Variants in AKR1B10 observed in about 807,000 individuals in gnomAD.
The protein encoded by AKR1B10 is ARP.
A neutral mutation model predicts 38.9 loss-of-function variants in AKR1B10; 39 were observed. The ratio of observed to expected loss-of-function variants is 1.00; its 90% CI spans 0.78 to 1.31. The LOEUF (loss-of-function observed/expected upper bound fraction) is 1.31. Among genes scored for constraint, AKR1B10 ranks in the 50% most tolerant of loss-of-function variants. The probability of loss-of-function intolerance (pLI) is 0.00; values close to 1 mark genes in which losing one functional copy is unlikely to be tolerated. For synonymous variants in AKR1B10, 148 were observed against 141.2 expected, an observed-to-expected ratio of 1.05 and a Z score of -0.34; for missense variants, 361 against 382.6, an observed-to-expected ratio of 0.94 and a Z score of 0.47.
rs530880920 is a variant in AKR1B10, at chr7:134,532,060, G to A, written c.351+36G>A. 6 of 1,612,386 alleles carry A rather than the reference G, an allele frequency of 3.7e-6. No homozygotes were observed. The Admixed American group carries it at 5.0e-5, about 13-fold the overall frequency. The stretch of plus-strand genomic sequence containing the variant: ...CTCTCTTTCTCAGCCTCTAGTTTCT[G>A]AGCAGGTGCCAGAAAATAGTAGCTG... On this transcript the variant is annotated intron_variant, in intron 3 of 9. Coordinates refer to ENST00000359579, the MANE Select transcript of AKR1B10 (RefSeq NM_020299.5).
At chr7:134,531,413 T>C (rs779302751) in intron 2 of AKR1B10, among the ~76,000 whole-genome samples, 1 of 152,142 alleles carries the variant, frequency 6.6e-6, no homozygotes, top group Non-Finnish European at 1.5e-5. Context: ...ATACATCTGG[T>C]AGGACAAATA....
In AKR1B10 at chr7:134,527,885, T is replaced by G; in HGVS notation, c.-27T>G. The G allele has an allele frequency of 6.2e-7, 1 of 1,612,442 alleles. No homozygotes were observed. The highest frequency in any genetic ancestry group is 8.5e-7 in the Non-Finnish European group (1 of 1,179,878). On this transcript the variant is annotated 5_prime_UTR_variant, in exon 1 of 10. Coordinates refer to ENST00000359579, the MANE Select transcript of AKR1B10 (RefSeq NM_020299.5). ...AGCAGGACGTGAGACTTCTACCTGC[T>G]CACTCAGAATCATTTCTGCACCAAC...
chr7:134,529,837 C>T (rs1562929274), intron 1 of AKR1B10, among the ~76,000 whole-genome samples: 2 of 151,524 alleles, frequency 1.3e-5, no homozygotes, highest in African/African-American at 4.9e-5. Flanking sequence ...TGTCATTCCC[C>T]TCCCTCTCTC....
intron 4 of AKR1B10, among the ~76,000 whole-genome samples, chr7:134,536,248 C>T (rs1183269161): frequency 9.2e-5 from 14 of 152,200 alleles, no homozygotes; most frequent in Non-Finnish European, 1.8e-4. Flanking sequence ...AACAGCAGCT[C>T]CCTGCTATCA....
At position 134,536,703 on chromosome 7, in the gene AKR1B10, T is replaced by C. The variant is rs766628663; in HGVS notation, c.483T>C (p.Asn161=). The C allele has an allele frequency of 1.2e-6, 2 of 1,613,914 alleles. No individual in the cohort carries two copies. The highest frequency in any genetic ancestry group is 2.2e-5 in the South Asian group (2 of 91,076). Residue 161 remains asparagine, a synonymous_variant, in exon 5 of 10, where the codon AAT becomes AAC. Coordinates refer to ENST00000359579, the MANE Select transcript of AKR1B10 (RefSeq NM_020299.5). ...EGLVKALGVS[N]FSHFQIEKLL... is the part of the protein sequence containing the mutation. Reference sequence around the variant, plus strand: ...TGGTGAAAGCCCTTGGGGTCTCCAATTTCAGCCACTTCCAGATCGAGAAGC... The same window carrying C: ...TGGTGAAAGCCCTTGGGGTCTCCAACTTCAGCCACTTCCAGATCGAGAAGC...
chr7:134,536,724 G>C lies in AKR1B10; in HGVS notation c.504G>C (p.Glu168Asp), dbSNP rs1280079840. The change falls in exon 5 of 10, where the codon GAG (glutamate) becomes GAC (aspartate). Residue 168 changes from glutamate (E) to aspartate (D), a missense_variant. Coordinates refer to ENST00000359579, the MANE Select transcript of AKR1B10 (RefSeq NM_020299.5). Reference sequence around the variant, plus strand: ...CCAATTTCAGCCACTTCCAGATCGAGAAGCTCTTGAACAAACCTGGACTGA... The same window carrying C: ...CCAATTTCAGCCACTTCCAGATCGACAAGCTCTTGAACAAACCTGGACTGA... ...GVSNFSHFQIEKLLNKPGLKY... is the reference protein window; with the variant it reads ...GVSNFSHFQIDKLLNKPGLKY... 6.2e-7 allele frequency: 1 copy of C among 1,613,918 alleles called. No individual in the cohort carries two copies. Among genetic ancestry groups the C allele is most frequent in the South Asian group, 1.1e-5 (1 of 91,068 alleles).
chr7:134,536,878 G>T, intron 5 of AKR1B10, 106 bp downstream of exon 5: 3 of 1,579,666 alleles, frequency 1.9e-6, no homozygotes, highest in Non-Finnish European at 2.6e-6. Context: ...AGGGGTCAGT[G>T]ATCAGGACAC....
chr7:134,528,844 G>A (rs1192091603), intron 1 of AKR1B10, among the ~76,000 whole-genome samples: 1 of 152,162 alleles, frequency 6.6e-6, no homozygotes, highest in Admixed American at 6.5e-5. Flanking sequence ...AGATCCCTAC[G>A]TGGTTCCTGT....
Position 134,538,226 on chromosome 7 carries a change from G to A in AKR1B10, c.774G>A (p.Val258=). 2 of 1,614,096 alleles carry A rather than the reference G, an allele frequency of 1.2e-6. No homozygotes were observed. The highest frequency in any genetic ancestry group is 1.7e-4 in the Middle Eastern group (1 of 6,060). The change falls in exon 8 of 10, where the codon GTG becomes GTA. Residue 258 remains valine (V), a synonymous_variant. Transcript: ENST00000359579. ...VLIRFHIQRN[V]IVIPKSVTPA... is the part of the protein sequence containing the mutation. ...TCCGTTTCCATATCCAGAGGAATGTGATTGTCATCCCCAAGTCTGTGACAC... is the reference window on the plus strand; with the variant it reads ...TCCGTTTCCATATCCAGAGGAATGTAATTGTCATCCCCAAGTCTGTGACAC...
intron 9 of AKR1B10, among the ~76,000 whole-genome samples, chr7:134,540,551 CA>C (rs1198059128): frequency 7.2e-5 from 11 of 152,138 alleles, no homozygotes. Flanking sequence ...TGACATTGGG[CA>C]AATTTCCTAG....
intron 2 of AKR1B10, among the ~76,000 whole-genome samples, chr7:134,531,200 C>G (rs1807847376): frequency 6.6e-6 from 1 of 152,030 alleles, no homozygotes; most frequent in African/African-American, 2.4e-5. Context: ...AGACTCTCAG[C>G]CAGGGGGAAT....
At chr7:134,540,096 T>C (rs748608481) in intron 9 of AKR1B10, among the ~76,000 whole-genome samples, 1 of 152,020 alleles carries the variant, frequency 6.6e-6, no homozygotes, top group Non-Finnish European at 1.5e-5. Context: ...TGGGCACCTG[T>C]AGTCCCAGCT....
chr7:134,539,030 G>A lies in AKR1B10; in HGVS notation c.908+13G>A, dbSNP rs747248745. On this transcript the variant is annotated intron_variant, in intron 9 of 9. Coordinates refer to ENST00000359579, the MANE Select transcript of AKR1B10 (RefSeq NM_020299.5). ...GTAACGTGTTGCAGTAAGTGGCATG[G>A]AGTTAACTAGAAGCATTGCCAGGAG... The A allele has an allele frequency of 1.2e-6, 2 of 1,613,868 alleles. No individual in the cohort carries two copies. The highest frequency in any genetic ancestry group is 1.7e-6 in the Non-Finnish European group (2 of 1,179,914).
At chr7:134,533,153 G>A in intron 4 of AKR1B10, 72 bp downstream of exon 4, 1 of 1,224,754 alleles carries the variant, frequency 8.2e-7, no homozygotes, top group Non-Finnish European at 1.2e-6. Context: ...GCATGGATAT[G>A]AATGAGGCCA....
intron 4 of AKR1B10, chr7:134,535,469 C>A: frequency 2.6e-6 from 1 of 389,310 alleles, no homozygotes; most frequent in Non-Finnish European, 3.5e-6. Flanking sequence ...AAATTGCAGC[C>A]AAAGTTGAGA....
intron 4 of AKR1B10, among the ~76,000 whole-genome samples, chr7:134,535,284 C>CT (rs954580258): frequency 3.2e-4 from 48 of 152,106 alleles, no homozygotes; most frequent in African/African-American, 1.1e-3. Context: ...TATTATAAGA[C>CT]TTTTTTTAAG....
intron 8 of AKR1B10, 35 bp from the exon 9 acceptor site, chr7:134,538,899 CT>C: frequency 1.2e-6 from 2 of 1,612,890 alleles, no homozygotes; most frequent in Non-Finnish European, 1.7e-6. Flanking sequence ...CTAGAATGGC[CT>C]TACTGATGAT....
intron 4 of AKR1B10, among the ~76,000 whole-genome samples, chr7:134,534,987 T>A (rs1272303201): frequency 1.4e-4 from 21 of 151,774 alleles, no homozygotes; most frequent in Admixed American, 1.4e-3. Flanking sequence ...CAGGCACTGG[T>A]AATTTTTTTT....
chr7:134,530,646 CCTCTT>C lies in AKR1B10; in HGVS notation c.71_75del (p.Pro24ArgfsTer12). Reference sequence around the variant, plus strand: ...GAGCTTTTCTTTTGCCTTTCAGTCTCCTCTTGGCAAAGTGAAAGAAGCAGTGAAGG... The same window carrying C: ...GAGCTTTTCTTTTGCCTTTCAGTCTCGGCAAAGTGAAAGAAGCAGTGAAGG... On this transcript the variant is annotated frameshift_variant, in exon 2 of 10. Coordinates refer to ENST00000359579, the MANE Select transcript of AKR1B10 (RefSeq NM_020299.5). LOFTEE classifies it high-confidence loss of function. The C allele has an allele frequency of 6.2e-7, 1 of 1,613,948 alleles. No individual in the cohort carries two copies. Among genetic ancestry groups the C allele is most frequent in the Non-Finnish European group, 8.5e-7 (1 of 1,179,892 alleles).
Sources: allele counts gnomAD v4.1 joint callset (sites outside exome capture counted in the v4.1 genomes callset), GRCh38; gene constraint gnomAD v4.1.1; transcripts MANE v1.5; gene names NCBI Gene and HGNC (gene_info 2026-07-23, HGNC 2026-07-21).